WDR64: variants seen among roughly 807,000 people sequenced by gnomAD.
WDR64 encodes the protein WD repeat domain 64.
A neutral mutation model predicts 139.3 loss-of-function variants in WDR64; 112 were observed. The observed-to-expected ratio is 0.80, with a 90% CI of 0.69 to 0.94. The LOEUF (loss-of-function observed/expected upper bound fraction) is 0.94, where lower values mean the gene tolerates loss of function less well. WDR64 is among the 40% of genes least tolerant of loss of function. The pLI, the probability that WDR64 is intolerant of heterozygous loss-of-function variation, is 0.00. For missense variants in WDR64, 1,206 were observed against 1,293.1 expected (o/e 0.93, Z 1.03); for synonymous variants, 444 against 437.7 (o/e 1.01, Z -0.18).
intron 12 of WDR64, 72 bp downstream of exon 12, chr1:241,741,736 C>A (rs1669552615): frequency 1.4e-6 from 2 of 1,425,320 alleles, no homozygotes; most frequent in Non-Finnish European, 1.9e-6. Flanking sequence ...TAAAATAAAT[C>A]ATTGAGTGAT....
At chr1:241,786,877 A>T (rs966177399) in intron 23 of WDR64, among the ~76,000 whole-genome samples, 2 of 152,196 alleles carry the variant, frequency 1.3e-5, no homozygotes, top group African/African-American at 4.8e-5. Context: ...AAAGAACAAG[A>T]TCATGTCTCT....
At chr1:241,737,139 T>A (rs1444379641) in intron 10 of WDR64, among the ~76,000 whole-genome samples, 1 of 152,222 alleles carries the variant, frequency 6.6e-6, no homozygotes, top group East Asian at 1.9e-4. Flanking sequence ...TACAAAAGGC[T>A]GAAAAGGCTC....
chr1:241,660,975 C>A (rs1573984912), intron 2 of WDR64, among the ~76,000 whole-genome samples: 3 of 152,266 alleles, frequency 2.0e-5, no homozygotes, highest in East Asian at 3.9e-4. Context: ...TGAGATATTT[C>A]TTTTCAATGG....
At chr1:241,705,870 C>T (rs7530620) in intron 8 of WDR64, among the ~76,000 whole-genome samples, 19,704 of 151,998 alleles carry the variant, frequency 0.13, 2,214 homozygotes, top group African/African-American at 0.31. Flanking sequence ...ATTACAGGTG[C>T]GAGCCACCAT....
At chr1:241,800,945 G>A (rs1659505598) in intron 27 of WDR64, among the ~76,000 whole-genome samples, 187 bp from the exon 28 acceptor site, 1 of 151,756 alleles carries the variant, frequency 6.6e-6, no homozygotes, top group South Asian at 2.1e-4. Context: ...CATCCTTCAG[G>A]AGCCCCACCT....
At chr1:241,741,453 A>ATTAGAAACCC in intron 11 of WDR64, 63 bp from the exon 12 acceptor site, 1 of 1,485,036 alleles carries the variant, frequency 6.7e-7, no homozygotes. Flanking sequence ...TGCTTGGCTG[A>ATTAGAAACCC]AACCCTTTGT....
intron 2 of WDR64, among the ~76,000 whole-genome samples, chr1:241,670,690 G>A (rs890815216): frequency 2.0e-5 from 3 of 152,130 alleles, no homozygotes; most frequent in Admixed American, 1.3e-4. Flanking sequence ...CCTGAGCTCC[G>A]CCTCCTCTCA....
chr1:241,732,265 T>A (rs1352766681), intron 10 of WDR64, among the ~76,000 whole-genome samples: 2 of 152,196 alleles, frequency 1.3e-5, no homozygotes, highest in Admixed American at 1.3e-4. Context: ...TATGGAATAA[T>A]GCTCAAACTT....
chr1:241,703,204 A>G lies in WDR64; in HGVS notation c.975-8598A>G, dbSNP rs1409124619. On this transcript the variant is annotated intron_variant, in intron 8 of 27. Coordinates refer to ENST00000437684, the MANE Select transcript of WDR64 (RefSeq NM_001367482.1). This position sits in a 1 kb window ranked among gnomAD's most constrained non-coding sequence, Gnocchi z 5.9. ...AAATATCGAGGGACTCTGCTGACTC[A>G]GTAGCCCTGCTTCTTTAGCAATCAC... Among the ~76,000 whole-genome samples, 3 of 152,190 alleles carry G rather than the reference A, an allele frequency of 2.0e-5. No homozygotes were observed. The highest frequency in any genetic ancestry group is 6.5e-5 in the Admixed American group (1 of 15,274).
chr1:241,737,894 A>T (rs1669387834), intron 10 of WDR64, among the ~76,000 whole-genome samples: 3 of 152,196 alleles, frequency 2.0e-5, no homozygotes, highest in African/African-American at 7.2e-5. Context: ...TATCTGGGCA[A>T]ATGGAGAGGG....
chr1:241,787,964 G>A lies in WDR64; in HGVS notation c.2821G>A (p.Glu941Lys), dbSNP rs1181275216. ...TTGTGATGTTACTGAATATCCCATA[G>A]AAATAAAAGAAGAAAGCAAGTTCAC... is the stretch of plus-strand genomic sequence containing the variant. ...LPCDVTEYPI[E>K]IKEESKFTEK... The change falls in exon 24 of 28, where the codon GAA becomes AAA. Residue 941 changes from glutamate to lysine, a missense_variant. By Grantham distance (56) the Glu-to-Lys change is moderately conservative. Coordinates refer to ENST00000437684, the MANE Select transcript of WDR64 (RefSeq NM_001367482.1). 6.2e-7 allele frequency: 1 copy of A among 1,608,674 alleles called. No individual in the cohort carries two copies. Among genetic ancestry groups the A allele is most frequent in the Non-Finnish European group, 8.5e-7 (1 of 1,178,608 alleles).
chr1:241,675,154 TCTTCCCTA>T (rs1666479670), intron 4 of WDR64, among the ~76,000 whole-genome samples: 6 of 11,644 alleles, frequency 5.2e-4, no homozygotes, highest in Admixed American at 1.1e-3. Context: ...CTTCCTTCCT[TCTTCCCTA>T]CCTCCCACCC....
chr1:241,760,826 C>T (rs1452989761), intron 15 of WDR64, among the ~76,000 whole-genome samples: 4 of 130,168 alleles, frequency 3.1e-5, no homozygotes, highest in Non-Finnish European at 6.1e-5. Flanking sequence ...ACTGCAGTGG[C>T]GCTATCCCGG....
chr1:241,763,640 G>T (rs982664951), intron 15 of WDR64, among the ~76,000 whole-genome samples: 1 of 152,184 alleles, frequency 6.6e-6, no homozygotes, highest in African/African-American at 2.4e-5. Context: ...GGAAGGTGGA[G>T]GATGCAGTGA....
intron 1 of WDR64, among the ~76,000 whole-genome samples, chr1:241,657,536 C>A (rs7522465): frequency 0.84 from 127,501 of 152,058 alleles, 53,752 homozygotes; most frequent in Non-Finnish European, 0.89. Context: ...CCTGTGCAGC[C>A]ACAGGCCTTC....
intron 1 of WDR64, among the ~76,000 whole-genome samples, chr1:241,660,303 G>A (rs375205798): frequency 5.5e-4 from 83 of 152,170 alleles, no homozygotes; most frequent in African/African-American, 2.0e-3. Flanking sequence ...CCATGCTTTG[G>A]GTTACTCCAG....
rs1659549519 is a variant in WDR64, at chr1:241,802,309, G to A, written c.*1094G>A. Among the ~76,000 whole-genome samples, 1 of 152,100 alleles carries A rather than the reference G, an allele frequency of 6.6e-6. No individual in the cohort carries two copies. Among genetic ancestry groups the A allele is most frequent in the African/African-American group, 2.4e-5 (1 of 41,442 alleles). On this transcript the variant is annotated 3_prime_UTR_variant, in exon 28 of 28. Coordinates refer to ENST00000437684, the MANE Select transcript of WDR64 (RefSeq NM_001367482.1). The stretch of plus-strand genomic sequence containing the variant: ...TTTACAGAAAGAATACATGTTGTAT[G>A]ATTCCACGTTTATAAAATTCTACAA...
chr1:241,708,079 T>A (rs1668021892), intron 8 of WDR64, among the ~76,000 whole-genome samples: 1 of 152,168 alleles, frequency 6.6e-6, no homozygotes, highest in Non-Finnish European at 1.5e-5. Context: ...TGCTTGTTCT[T>A]TCTTGAAACT....
rs1327033053 is a variant in WDR64 at position 241,671,140 on chromosome 1, T to C, written c.343T>C (p.Phe115Leu). 3 of 1,550,990 alleles carry C rather than the reference T, an allele frequency of 1.9e-6. No individual in the cohort carries two copies. In the African/African-American group the frequency reaches 4.1e-5, roughly 21 times the overall value. ...ASQLDEENLV[F>L]FVSRKRRILI... ...CCAGTTGGATGAAGAAAATTTGGTT[T>C]TCTTTGTGTCTAGAAAAAGGCGAAT... The change falls in exon 3 of 28, where the codon TTC (phenylalanine) becomes CTC (leucine). Residue 115 changes from phenylalanine to leucine, a missense_variant. Physicochemically the swap from Phe to Leu is conservative, Grantham distance 22. Transcript: ENST00000437684.
Sources: gnomAD v4.1 joint callset for allele counts (sites outside exome capture counted in the v4.1 genomes callset) on GRCh38, gnomAD v4.1.1 for gene constraint, Gnocchi (gnomAD v3.1) non-coding constraint, MANE v1.5 for transcripts, NCBI Gene and HGNC (gene_info 2026-07-23, HGNC 2026-07-21) for gene names.